Variants in COL5A2 observed in about 807,000 individuals in gnomAD.
The protein encoded by COL5A2 is collagen type V alpha 2 chain.
A neutral mutation model predicts 208.2 loss-of-function variants in COL5A2; 23 were observed. The observed-to-expected ratio is 0.11, with a 90% CI of 0.08 to 0.16. COL5A2 has a LOEUF of 0.16. Among genes scored for constraint, COL5A2 ranks in the 10% least tolerant of loss-of-function variants. COL5A2 has a pLI of 1.00. For missense variants in COL5A2, 1,590 were observed against 1,956.4 expected (o/e 0.81, Z 3.53); for synonymous variants, 625 against 628.5 (o/e 0.99, Z 0.08).
At chr2:189,394,917 A>G in the COL5A2 span, among the ~76,000 whole-genome samples, 1 of 152,314 alleles carries the variant, frequency 6.6e-6, no homozygotes, top group Non-Finnish European at 1.5e-5. Flanking sequence ...TTTGAATTAC[A>G]TACTTTATTT....
rs753789459 is a variant in COL5A2 at position 189,088,702 on chromosome 2, C to G, written c.638G>C (p.Gly213Ala). ...AGTAAAATTTATGCTTACCACAGAG[C>G]CAGGCATTAGTCCTACTTGACTCCC... ...GLGSQVGLMP[G>A]SVGPVGPRGP... The change falls in exon 8 of 54, where the codon GGC becomes GCC. Residue 213 changes from glycine to alanine, a missense_variant. By Grantham distance (60) the Gly-to-Ala change is moderately conservative. Transcript: ENST00000374866. 1 of 1,613,304 alleles carries G rather than the reference C, an allele frequency of 6.2e-7. No homozygotes were observed. The highest frequency in any genetic ancestry group is 8.5e-7 in the Non-Finnish European group (1 of 1,179,316).
At chr2:189,112,637 T>A (rs891717610) in intron 1 of COL5A2, among the ~76,000 whole-genome samples, 2 of 152,196 alleles carry the variant, frequency 1.3e-5, no homozygotes, top group African/African-American at 4.8e-5. Context: ...AAGTTTCTAA[T>A]CTGTTTTATC....
At chr2:189,331,949 C>CAA in the COL5A2 span, among the ~76,000 whole-genome samples, 62 of 83,480 alleles carry the variant, frequency 7.4e-4, no homozygotes, top group African/African-American at 1.7e-3. Flanking sequence ...GACTCCGTCT[C>CAA]AAAAAAAAAA....
chr2:189,225,061 C>T (rs979087704), intron 1 of COL5A2, among the ~76,000 whole-genome samples: 3 of 152,112 alleles, frequency 2.0e-5, no homozygotes, highest in Non-Finnish European at 2.9e-5. Context: ...AAGGAGTTAA[C>T]ACAGAGATAT....
At chr2:189,433,734 G>T in the COL5A2 span, among the ~76,000 whole-genome samples, 2 of 152,160 alleles carry the variant, frequency 1.3e-5, no homozygotes, top group Non-Finnish European at 2.9e-5. Context: ...TGGATTCACA[G>T]TCGAATTCTA....
the COL5A2 span, among the ~76,000 whole-genome samples, chr2:189,305,332 ATGCAGGAGTATTAAC>A: frequency 6.6e-6 from 1 of 152,234 alleles, no homozygotes; most frequent in Non-Finnish European, 1.5e-5. Context: ...TTAATCGCCA[ATGCAGGAGTATTAAC>A]TGGTGAGGCC....
At chr2:189,048,152 A>G in intron 45 of COL5A2, 57 bp downstream of exon 45, 3 of 1,518,370 alleles carry the variant, frequency 2.0e-6, no homozygotes, top group Non-Finnish European at 2.7e-6. Flanking sequence ...AGTGTAAATT[A>G]AAAAGATTTC....
At chr2:189,199,073 C>T (rs1689040847) in intron 1 of COL5A2, among the ~76,000 whole-genome samples, 1 of 152,062 alleles carries the variant, frequency 6.6e-6, no homozygotes, top group Non-Finnish European at 1.5e-5. Context: ...TTTATCCTTT[C>T]ATATGATTAT....
chr2:189,202,255 A>G (rs1689088771), intron 1 of COL5A2, among the ~76,000 whole-genome samples: 1 of 152,114 alleles, frequency 6.6e-6, no homozygotes, highest in African/African-American at 2.4e-5. Context: ...AGAGTAGAAA[A>G]TAGGAAAAGA....
At chr2:189,044,183 G>C (rs1348421224) in intron 47 of COL5A2, among the ~76,000 whole-genome samples, 4 of 152,130 alleles carry the variant, frequency 2.6e-5, no homozygotes, top group African/African-American at 9.7e-5. Flanking sequence ...GAAGATGACT[G>C]CAGTCATCAA....
intron 1 of COL5A2, among the ~76,000 whole-genome samples, chr2:189,134,284 C>G (rs896051282): frequency 1.8e-4 from 28 of 152,076 alleles, no homozygotes; most frequent in Admixed American, 3.3e-4. Flanking sequence ...TTGCTAGACT[C>G]TATTTTTAAA....
intron 1 of COL5A2, among the ~76,000 whole-genome samples, chr2:189,186,851 T>C (rs80076513): frequency 6.6e-6 from 1 of 152,258 alleles, no homozygotes; most frequent in South Asian, 2.1e-4. Flanking sequence ...AAATCTCTGC[T>C]GAAAATATAT....
chr2:189,075,431 G>C lies in COL5A2; in HGVS notation c.1066C>G (p.Arg356Gly), dbSNP rs1686383386. Residue 356 changes from arginine (R) to glycine (G), a missense_variant, in exon 17 of 54, where the codon CGA becomes GGA. Transcript: ENST00000374866. ...TTTCCAGGCATACCATGTGCACCTCGTTGTCCCTAATTAAGAGAAAAAGAG... is the reference window on the plus strand; with the variant it reads ...TTTCCAGGCATACCATGTGCACCTCCTTGTCCCTAATTAAGAGAAAAAGAG... Reference protein sequence around the residue: ...RLGPQGAPGQRGAHGMPGKPG... With the variant: ...RLGPQGAPGQGGAHGMPGKPG... 3.7e-6 allele frequency: 6 copies of C among 1,605,186 alleles called. No homozygotes were observed. In the East Asian group the frequency reaches 1.3e-4, roughly 36 times the overall value.
the COL5A2 span, among the ~76,000 whole-genome samples, chr2:189,357,786 G>A: frequency 8.5e-6 from 1 of 118,292 alleles, no homozygotes; most frequent in Non-Finnish European, 1.8e-5. Context: ...AAAAACTCCT[G>A]CAGCTGCTCA....
chr2:189,072,765 CAAA>C (rs58636533), intron 17 of COL5A2, among the ~76,000 whole-genome samples: 12 of 67,540 alleles, frequency 1.8e-4, no homozygotes, highest in Non-Finnish European at 2.6e-4. Context: ...ACTCCATCTC[CAAA>C]AAAAAAAAAA....
chr2:189,048,239 G>C lies in COL5A2; in HGVS notation c.3171C>G (p.Thr1057=). The C allele has an allele frequency of 5.0e-6, 8 of 1,613,854 alleles. No homozygotes were observed. Among genetic ancestry groups the C allele is most frequent in the Non-Finnish European group, 6.8e-6 (8 of 1,179,936 alleles). Residue 1057 remains threonine (T), a synonymous_variant, in exon 45 of 54, where the codon ACC becomes ACG. Transcript: ENST00000374866. ...GPEGPAGNDG[T]PGRDGAVGER... is the part of the protein sequence containing the mutation. ...CTCCAACAGCACCATCCCGTCCTGG[G>C]GTACCATCATTGCCAGCTGGACCCT...
chr2:189,096,948 C>T (rs1355601544), intron 6 of COL5A2, among the ~76,000 whole-genome samples: 1 of 152,126 alleles, frequency 6.6e-6, no homozygotes, highest in African/African-American at 2.4e-5. Flanking sequence ...CCGTATCCAG[C>T]TTGGTTATTC....
chr2:189,108,352 A>G (rs1223868953), intron 2 of COL5A2, among the ~76,000 whole-genome samples: 2 of 151,870 alleles, frequency 1.3e-5, no homozygotes, highest in African/African-American at 2.4e-5. Flanking sequence ...TGTAGCTTTT[A>G]TATTTGAAGG....
chr2:189,052,847 G>T, intron 39 of COL5A2, 45 bp from the exon 40 acceptor site: 1 of 1,611,272 alleles, frequency 6.2e-7, no homozygotes. Flanking sequence ...AGCAAAAGAG[G>T]CTGAATGTAC....
Sources: allele counts gnomAD v4.1 joint callset (sites outside exome capture counted in the v4.1 genomes callset), GRCh38; gene constraint gnomAD v4.1.1; transcripts MANE v1.5; gene names NCBI Gene and HGNC (gene_info 2026-07-23, HGNC 2026-07-21).